Variants in ANO2 observed in about 807,000 individuals in gnomAD.
The protein encoded by ANO2 is anoctamin-2.
Under a neutral mutation model 124.2 loss-of-function variants are expected in ANO2, and 101 were observed. The ratio of observed to expected loss-of-function variants is 0.81; its 90% confidence interval spans 0.69 to 0.96. The LOEUF (loss-of-function observed/expected upper bound fraction) is 0.96. Among genes scored for constraint, ANO2 ranks in the 40% least tolerant of loss-of-function variants. The pLI, the probability that ANO2 is intolerant of heterozygous loss-of-function variation, is 0.00. For missense variants in ANO2, 1,293 were observed against 1,274.5 expected (o/e 1.01, Z -0.22); for synonymous variants, 486 against 482.5 (o/e 1.01, Z -0.09).
chr12:5,766,620 C>T (rs1951897553), intron 10 of ANO2, among the ~76,000 whole-genome samples: 1 of 152,126 alleles, frequency 6.6e-6, no homozygotes, highest in Non-Finnish European at 1.5e-5. Context: ...GTATTGGTTG[C>T]ATGGAAGATG....
intron 7 of ANO2, among the ~76,000 whole-genome samples, chr12:5,827,538 G>A (rs1035630011): frequency 8.5e-5 from 13 of 152,238 alleles, no homozygotes; most frequent in Middle Eastern, 3.2e-3. Flanking sequence ...CGGAGACCTG[G>A]GAGGAGGGCC....
At chr12:5,586,781 T>G (rs1943131782) in intron 20 of ANO2, among the ~76,000 whole-genome samples, 1 of 152,218 alleles carries the variant, frequency 6.6e-6, no homozygotes. Flanking sequence ...GTCTCCGTTT[T>G]AAGTCACCGG....
chr12:5,578,444 CGTT>C lies in ANO2; in HGVS notation c.2305_2307del (p.Asn769del). ...TTTGCATCGAGCCGCACTTCAATGA[CGTT>C]GTTGAGGAGGGCAAACACAGGTGCC... On this transcript the variant is annotated inframe_deletion, in exon 21 of 25. Coordinates refer to ENST00000682330, the MANE Select transcript of ANO2 (RefSeq NM_001364791.2). 6.2e-7 allele frequency: 1 copy of C among 1,613,986 alleles called. No individual in the cohort carries two copies. The highest frequency in any genetic ancestry group is 1.3e-5 in the African/African-American group (1 of 75,046).
At chr12:5,590,227 A>G (rs1180810080) in intron 20 of ANO2, among the ~76,000 whole-genome samples, 1 of 151,854 alleles carries the variant, frequency 6.6e-6, no homozygotes, top group East Asian at 1.9e-4. Flanking sequence ...TTTTTTGCTC[A>G]TCAGCTATCA....
At chr12:5,669,595 G>A (rs951693540) in intron 14 of ANO2, among the ~76,000 whole-genome samples, 19 of 152,252 alleles carry the variant, frequency 1.2e-4, no homozygotes, top group Admixed American at 2.0e-4. Flanking sequence ...GGTGAAAGAG[G>A]GCATCCTTGC....
chr12:5,913,704 G>A (rs143303660), intron 3 of ANO2, among the ~76,000 whole-genome samples: 1 of 152,236 alleles, frequency 6.6e-6, no homozygotes, highest in Non-Finnish European at 1.5e-5. Context: ...TCTCCTCCAA[G>A]ATGGGAATAA....
chr12:5,649,033 T>A (rs1229609478), intron 14 of ANO2, among the ~76,000 whole-genome samples: 1 of 152,198 alleles, frequency 6.6e-6, no homozygotes, highest in Admixed American at 6.5e-5. Context: ...TTGATCTTGG[T>A]GCCACGCACA....
intron 4 of ANO2, among the ~76,000 whole-genome samples, chr12:5,853,142 G>A (rs1591698959): frequency 6.7e-6 from 1 of 148,580 alleles, no homozygotes; most frequent in East Asian, 2.0e-4. Flanking sequence ...AAGGAGACAT[G>A]TCACCTAGAA....
At chr12:5,678,362 C>T (rs1257627030) in intron 14 of ANO2, among the ~76,000 whole-genome samples, 2 of 152,234 alleles carry the variant, frequency 1.3e-5, no homozygotes, top group Non-Finnish European at 2.9e-5. Context: ...TGCCTGGACA[C>T]TGGCTCCAAG....
At chr12:5,905,789 C>CA (rs913017138) in intron 3 of ANO2, among the ~76,000 whole-genome samples, 7 of 151,952 alleles carry the variant, frequency 4.6e-5, no homozygotes, top group Non-Finnish European at 5.9e-5. Context: ...TGGAAAGATA[C>CA]AAAAAAAATC....
intron 3 of ANO2, among the ~76,000 whole-genome samples, chr12:5,892,617 G>T (rs1939491518): frequency 6.6e-6 from 1 of 152,196 alleles, no homozygotes; most frequent in Non-Finnish European, 1.5e-5. Context: ...AGGTCAGAAG[G>T]TAGTGGAGCA....
At chr12:5,918,889 G>T (rs1012004569) in intron 3 of ANO2, among the ~76,000 whole-genome samples, 16 of 152,114 alleles carry the variant, frequency 1.1e-4, no homozygotes, top group African/African-American at 3.4e-4. Flanking sequence ...CTAATGATGA[G>T]GCATGTTTAA....
At chr12:5,939,213 CAA>C (rs34787622) in intron 1 of ANO2, among the ~76,000 whole-genome samples, 2 of 86,194 alleles carry the variant, frequency 2.3e-5, no homozygotes, top group Admixed American at 1.6e-4. Flanking sequence ...AAGACTCCAA[CAA>C]AAAAAAAAAA....
intron 1 of ANO2, among the ~76,000 whole-genome samples, chr12:5,932,948 G>A (rs1220283791): frequency 6.6e-6 from 1 of 152,214 alleles, no homozygotes; most frequent in African/African-American, 2.4e-5. Flanking sequence ...GAGACTCCAG[G>A]AAGAAAGGCA....
At chr12:5,625,698 G>C (rs369651602) in intron 16 of ANO2, among the ~76,000 whole-genome samples, 147 of 152,190 alleles carry the variant, frequency 9.7e-4, no homozygotes, top group African/African-American at 3.4e-3. Context: ...CAGCCAGCCT[G>C]GAGGAGTCAG....
chr12:5,645,369 A>ATT (rs1473032575), intron 15 of ANO2, among the ~76,000 whole-genome samples: 3 of 152,094 alleles, frequency 2.0e-5, no homozygotes, highest in Non-Finnish European at 4.4e-5. Flanking sequence ...AGCCTGGGTG[A>ATT]CAGAATCAGA....
rs752400395 is a variant in ANO2, at chr12:5,908,296, T to C, written c.534+12744A>G. Reference sequence around the variant, plus strand: ...GTGGATGAGCTAAGTGTAAGTTCCCTGGGCTGGAAGAGCCCAGAAAGAACG... The same window carrying C: ...GTGGATGAGCTAAGTGTAAGTTCCCCGGGCTGGAAGAGCCCAGAAAGAACG... On this transcript the variant is annotated intron_variant, in intron 3 of 24. Coordinates refer to ENST00000682330, the MANE Select transcript of ANO2 (RefSeq NM_001364791.2). This position sits in a 1 kb window ranked among gnomAD's most constrained non-coding sequence, Gnocchi z 4.7. Among the ~76,000 whole-genome samples, 1 of 152,364 alleles carries C rather than the reference T, an allele frequency of 6.6e-6. No individual in the cohort carries two copies. The highest frequency in any genetic ancestry group is 1.9e-4 in the East Asian group (1 of 5,182).
chr12:5,712,180 G>A (rs1949842633), intron 14 of ANO2, among the ~76,000 whole-genome samples: 1 of 152,010 alleles, frequency 6.6e-6, no homozygotes, highest in Non-Finnish European at 1.5e-5. Flanking sequence ...CTCCTAAAAG[G>A]AATATACAGG....
intron 14 of ANO2, among the ~76,000 whole-genome samples, chr12:5,700,123 T>A (rs1949344609): frequency 6.6e-6 from 1 of 152,162 alleles, no homozygotes; most frequent in South Asian, 2.1e-4. Context: ...CCACCCCAAA[T>A]CAACAGAATA....
Sources: allele counts gnomAD v4.1 joint callset (sites outside exome capture counted in the v4.1 genomes callset), GRCh38; gene constraint gnomAD v4.1.1; non-coding constraint Gnocchi (gnomAD v3.1); transcripts MANE v1.5; gene names NCBI Gene and HGNC (gene_info 2026-07-23, HGNC 2026-07-21).